Variants in GUCY1A2 observed in about 807,000 individuals in gnomAD.
The protein encoded by GUCY1A2 is guanylate cyclase 1 soluble subunit alpha 2.
In GUCY1A2, 27 loss-of-function variants were observed where a neutral mutation model predicts 63.5. That is an observed-to-expected ratio of 0.43 (90% CI 0.31 to 0.59). The LOEUF is 0.59. Among genes scored for constraint, GUCY1A2 ranks in the 20% least tolerant of loss-of-function variants. The probability of loss-of-function intolerance (pLI) is 0.11; values close to 1 mark genes in which losing one functional copy is unlikely to be tolerated. For missense variants in GUCY1A2, 768 were observed against 913.3 expected, an observed-to-expected ratio of 0.84 and a Z score of 2.05; for synonymous variants, 364 against 343.5, an observed-to-expected ratio of 1.06 and a Z score of -0.66.
intron 4 of GUCY1A2, among the ~76,000 whole-genome samples, chr11:106,865,796 T>C (rs1859584163): frequency 1.3e-5 from 2 of 150,992 alleles, no homozygotes; most frequent in Non-Finnish European, 3.0e-5. Flanking sequence ...ACTTAAAGTA[T>C]AATAATAATA....
intron 6 of GUCY1A2, among the ~76,000 whole-genome samples, chr11:106,737,050 G>T (rs1222956334): frequency 6.6e-6 from 1 of 152,068 alleles, no homozygotes; most frequent in East Asian, 1.9e-4. Flanking sequence ...AACATTGTTG[G>T]TACCCATCCT....
chr11:106,703,485 T>C (rs1342132603), intron 7 of GUCY1A2, among the ~76,000 whole-genome samples: 1 of 151,884 alleles, frequency 6.6e-6, no homozygotes, highest in Non-Finnish European at 1.5e-5. Flanking sequence ...TATGTGATGA[T>C]AGAAGTAGAA....
intron 4 of GUCY1A2, among the ~76,000 whole-genome samples, chr11:106,925,476 T>C (rs1286698088): frequency 6.6e-5 from 10 of 152,152 alleles, no homozygotes; most frequent in Non-Finnish European, 1.5e-4. Flanking sequence ...CAATTCAAGT[T>C]AAATAAAAAT....
At chr11:106,799,116 A>G (rs1864822068) in intron 5 of GUCY1A2, among the ~76,000 whole-genome samples, 2 of 152,168 alleles carry the variant, frequency 1.3e-5, no homozygotes, top group Admixed American at 1.3e-4. Flanking sequence ...TTATACACCA[A>G]TAACAGAAAA....
rs1482315919 is a variant in GUCY1A2, at chr11:106,680,265, A to G, written c.*7284T>C. 1 of 207,658 alleles carries G rather than the reference A, an allele frequency of 4.8e-6. No homozygotes were observed. The highest frequency in any genetic ancestry group is 9.8e-6 in the Non-Finnish European group (1 of 101,864). 12.9% of individuals were successfully genotyped at this position (207,658 alleles called of 1,614,324 possible). A position where few individuals can be genotyped will look rare whatever the true frequency, so the allele number is the denominator to read the frequency against. ...TTTTGCACATTCCTGATTTTATTTCAGTTATTACTTTCCTCTTAGATATAG... is the reference window on the plus strand; with the variant it reads ...TTTTGCACATTCCTGATTTTATTTCGGTTATTACTTTCCTCTTAGATATAG... On this transcript the variant is annotated 3_prime_UTR_variant, in exon 8 of 8. Transcript: ENST00000526355.
chr11:106,921,818 G>A (rs1272704195), intron 4 of GUCY1A2, among the ~76,000 whole-genome samples: 9 of 152,168 alleles, frequency 5.9e-5, no homozygotes, highest in African/African-American at 1.9e-4. Context: ...GTTTGCTTTT[G>A]CCTTCCACTT....
intron 4 of GUCY1A2, among the ~76,000 whole-genome samples, chr11:106,914,727 A>AGT (rs1860346318): frequency 6.6e-6 from 1 of 152,012 alleles, no homozygotes; most frequent in Non-Finnish European, 1.5e-5. Context: ...AAAATTGAAA[A>AGT]TATGAGAAGA....
intron 6 of GUCY1A2, among the ~76,000 whole-genome samples, chr11:106,711,151 T>A (rs1310430061): frequency 6.6e-6 from 1 of 152,276 alleles, no homozygotes; most frequent in African/African-American, 2.4e-5. Flanking sequence ...AATTAGTGCA[T>A]GGATAGCATC....
chr11:107,014,175 G>A (rs1861787881), intron 1 of GUCY1A2, among the ~76,000 whole-genome samples: 1 of 131,952 alleles, frequency 7.6e-6, no homozygotes, highest in African/African-American at 2.9e-5. Context: ...TACAACCTCT[G>A]CCTCCCGGGT....
chr11:106,823,311 G>C (rs1002226204), intron 4 of GUCY1A2, among the ~76,000 whole-genome samples: 4 of 152,082 alleles, frequency 2.6e-5, no homozygotes, highest in Non-Finnish European at 4.4e-5. Flanking sequence ...TGTACCCACT[G>C]TTTAGTGCAG....
intron 4 of GUCY1A2, among the ~76,000 whole-genome samples, chr11:106,822,904 G>C (rs1392770526): frequency 1.3e-5 from 2 of 152,132 alleles, no homozygotes; most frequent in Non-Finnish European, 2.9e-5. Flanking sequence ...ATGTATTCTA[G>C]GAAGAGGGAG....
rs1038466614 is a variant in GUCY1A2 at position 106,677,967 on chromosome 11, G to T, written c.*9582C>A. 2 of 202,594 alleles carry T rather than the reference G, an allele frequency of 9.9e-6. No individual in the cohort carries two copies. The highest frequency in any genetic ancestry group is 2.0e-5 in the Non-Finnish European group (2 of 98,368). The allele number at this position is 202,594 out of a possible 1,614,324, so 12.5% of individuals were successfully genotyped here. ...TAAGGATCAAATGAAAAAGCAATGA[G>T]CACCTATTATTTCAGGTCATTGAGT... On this transcript the variant is annotated 3_prime_UTR_variant, in exon 8 of 8. Coordinates refer to ENST00000526355, the MANE Select transcript of GUCY1A2 (RefSeq NM_000855.3).
chr11:106,815,706 A>G (rs1329791469), intron 4 of GUCY1A2, among the ~76,000 whole-genome samples: 1 of 152,046 alleles, frequency 6.6e-6, no homozygotes, highest in Non-Finnish European at 1.5e-5. Flanking sequence ...ATAATATTAT[A>G]CATTCTGATA....
chr11:106,859,834 C>G (rs1172782887), intron 4 of GUCY1A2, among the ~76,000 whole-genome samples: 3 of 151,938 alleles, frequency 2.0e-5, no homozygotes, highest in African/African-American at 7.2e-5. Context: ...AGGTTTGCAG[C>G]TTCAGAGCAA....
At chr11:106,873,574 G>A (rs1480726805) in intron 4 of GUCY1A2, among the ~76,000 whole-genome samples, 1 of 152,034 alleles carries the variant, frequency 6.6e-6, no homozygotes, top group Non-Finnish European at 1.5e-5. Context: ...CTTTTTTTGA[G>A]AAGTGTATGT....
intron 5 of GUCY1A2, among the ~76,000 whole-genome samples, chr11:106,786,205 AC>A (rs1408715919): frequency 1.3e-5 from 2 of 152,232 alleles, no homozygotes; most frequent in Non-Finnish European, 2.9e-5. Context: ...TTAAGGATTT[AC>A]TGACAAGGCT....
intron 4 of GUCY1A2, among the ~76,000 whole-genome samples, chr11:106,911,793 A>C (rs1252047478): frequency 6.6e-6 from 1 of 152,090 alleles, no homozygotes; most frequent in Non-Finnish European, 1.5e-5. Context: ...ACATAAATAT[A>C]TCAAATTTGT....
At chr11:106,844,008 C>T (rs1859237584) in intron 4 of GUCY1A2, among the ~76,000 whole-genome samples, 1 of 151,746 alleles carries the variant, frequency 6.6e-6, no homozygotes, top group Non-Finnish European at 1.5e-5. Context: ...TTAAAGAAGT[C>T]ATTATATGAA....
At chr11:106,844,601 C>G (rs906495675) in intron 4 of GUCY1A2, among the ~76,000 whole-genome samples, 24 of 151,752 alleles carry the variant, frequency 1.6e-4, no homozygotes, top group African/African-American at 4.8e-4. Flanking sequence ...TCTTGTGTCT[C>G]ACAATCAATA....
Sources: gnomAD v4.1 joint callset for allele counts (sites outside exome capture counted in the v4.1 genomes callset) on GRCh38, gnomAD v4.1.1 for gene constraint, MANE v1.5 for transcripts, NCBI Gene and HGNC (gene_info 2026-07-23, HGNC 2026-07-21) for gene names.